SSH2: variants seen among roughly 807,000 people sequenced by gnomAD.
The protein encoded by SSH2 is protein phosphatase Slingshot homolog 2.
Under a neutral mutation model 135.2 loss-of-function variants are expected in SSH2, and 37 were observed. The ratio of observed to expected loss-of-function variants is 0.27; its 90% CI spans 0.21 to 0.36. The LOEUF (loss-of-function observed/expected upper bound fraction) is 0.36. Among genes scored for constraint, SSH2 ranks in the 10% least tolerant of loss-of-function variants. SSH2 has a pLI of 1.00. For synonymous variants in SSH2, 628 were observed against 646.2 expected (o/e 0.97, Z 0.43); for missense variants, 1,408 against 1,765.3 (o/e 0.80, Z 3.63).
intron 3 of SSH2, chr17:29,777,811 A>C (rs1306481315): frequency 6.6e-6 from 1 of 152,560 alleles, no homozygotes; most frequent in Admixed American, 6.5e-5. Context: ...AAAAAAAAAA[A>C]AAAACCTGAT....
chr17:29,875,494 T>C (rs2066011886), intron 1 of SSH2, among the ~76,000 whole-genome samples: 2 of 152,122 alleles, frequency 1.3e-5, no homozygotes. Flanking sequence ...TAGTCTCTTC[T>C]CCACACAGCA....
At chr17:29,851,046 A>G (rs1351075772) in intron 1 of SSH2, among the ~76,000 whole-genome samples, 1 of 152,202 alleles carries the variant, frequency 6.6e-6, no homozygotes, top group Non-Finnish European at 1.5e-5. Context: ...AGTCTTTTTA[A>G]TTCTTGTTCT....
intron 3 of SSH2, among the ~76,000 whole-genome samples, chr17:29,754,148 G>C (rs1012729208): frequency 2.6e-5 from 4 of 152,182 alleles, no homozygotes; most frequent in Admixed American, 2.0e-4. Context: ...AATTAAGGTA[G>C]GGTCCTTAGG....
At chr17:29,804,698 G>T (rs1461383405) in intron 2 of SSH2, among the ~76,000 whole-genome samples, 1 of 152,030 alleles carries the variant, frequency 6.6e-6, no homozygotes, top group Non-Finnish European at 1.5e-5. Flanking sequence ...TTGAGCCAGG[G>T]TCATGCTCTG....
At chr17:29,735,595 C>A (rs1427388073) in intron 3 of SSH2, among the ~76,000 whole-genome samples, 2 of 150,206 alleles carry the variant, frequency 1.3e-5, no homozygotes, top group African/African-American at 4.9e-5. Flanking sequence ...ACTTAGGAGG[C>A]TTGAGACAGG....
At chr17:29,826,104 A>G (rs2042738365) in intron 2 of SSH2, among the ~76,000 whole-genome samples, 1 of 152,196 alleles carries the variant, frequency 6.6e-6, no homozygotes, top group South Asian at 2.1e-4. Flanking sequence ...TATTAGTCAG[A>G]GGGGCTGCAA....
At chr17:29,670,194 T>C (rs1425735056) in intron 9 of SSH2, among the ~76,000 whole-genome samples, 4 of 152,146 alleles carry the variant, frequency 2.6e-5, no homozygotes, top group Non-Finnish European at 5.9e-5. Flanking sequence ...CGACTGTCTC[T>C]AATAAAATAT....
At chr17:29,783,637 C>A (rs1382752168) in intron 3 of SSH2, among the ~76,000 whole-genome samples, 2 of 152,080 alleles carry the variant, frequency 1.3e-5, no homozygotes, top group African/African-American at 2.4e-5. Context: ...TTTTGCAACA[C>A]CCTCACAGAC....
chr17:29,634,364 A>C (rs928559289), intron 15 of SSH2, among the ~76,000 whole-genome samples: 1 of 152,224 alleles, frequency 6.6e-6, no homozygotes, highest in African/African-American at 2.4e-5. Context: ...CAACTACTGT[A>C]TTGTAATGAT....
At chr17:29,914,559 A>G (rs1360814995) in intron 1 of SSH2, among the ~76,000 whole-genome samples, 1 of 103,244 alleles carries the variant, frequency 9.7e-6, no homozygotes, top group African/African-American at 3.1e-5. Context: ...ACCCTGTCTG[A>G]AAAAAAAAAA....
chr17:29,691,299 C>G (rs981911038), intron 5 of SSH2, among the ~76,000 whole-genome samples: 3 of 152,088 alleles, frequency 2.0e-5, no homozygotes, highest in Admixed American at 2.0e-4. Flanking sequence ...CTTCAAATGT[C>G]CTGAAAATTC....
At chr17:29,734,059 C>T (rs978471367) in intron 3 of SSH2, among the ~76,000 whole-genome samples, 2 of 151,982 alleles carry the variant, frequency 1.3e-5, no homozygotes, top group African/African-American at 4.8e-5. Context: ...GCTGGGACTA[C>T]AGGCGCCCGC....
At chr17:29,928,522 C>CA (rs1371056899) in intron 1 of SSH2, 5 of 398,560 alleles carry the variant, frequency 1.3e-5, no homozygotes, top group Middle Eastern at 6.3e-4. Flanking sequence ...TCCACTGTTA[C>CA]AAATTCTTCC....
At chr17:29,821,261 A>G (rs1395564976) in intron 2 of SSH2, among the ~76,000 whole-genome samples, 2 of 152,006 alleles carry the variant, frequency 1.3e-5, no homozygotes, top group Non-Finnish European at 2.9e-5. Context: ...TTATTTATCT[A>G]TCTATTTATT....
chr17:29,684,499 A>AG, intron 6 of SSH2, 64 bp downstream of exon 6: 1 of 1,483,702 alleles, frequency 6.7e-7, no homozygotes, highest in Non-Finnish European at 9.1e-7. Flanking sequence ...AAAAAAAAAA[A>AG]AAAAGCAACT....
intron 1 of SSH2, among the ~76,000 whole-genome samples, chr17:29,854,308 C>T (rs1236006984): frequency 6.6e-6 from 1 of 151,690 alleles, no homozygotes; most frequent in South Asian, 2.1e-4. Flanking sequence ...AAACACCAAA[C>T]AAAAAGGGAA....
At chr17:29,894,824 A>G (rs1192132702) in intron 1 of SSH2, among the ~76,000 whole-genome samples, 1 of 151,682 alleles carries the variant, frequency 6.6e-6, no homozygotes, top group Non-Finnish European at 1.5e-5. Context: ...CTCAATTACC[A>G]TCCTTCCACC....
intron 6 of SSH2, among the ~76,000 whole-genome samples, chr17:29,681,663 T>C (rs1322546013): frequency 6.6e-6 from 1 of 152,040 alleles, no homozygotes; most frequent in Non-Finnish European, 1.5e-5. Flanking sequence ...ATTTAAAAAA[T>C]TATTAAAATA....
intron 3 of SSH2, among the ~76,000 whole-genome samples, chr17:29,789,304 A>G (rs1567975581): frequency 6.6e-6 from 1 of 152,248 alleles, no homozygotes; most frequent in Non-Finnish European, 1.5e-5. Flanking sequence ...CATGTTTGGA[A>G]GGGAACACCA....
Sources: allele counts gnomAD v4.1 joint callset (sites outside exome capture counted in the v4.1 genomes callset), GRCh38; gene constraint gnomAD v4.1.1; transcripts MANE v1.5; gene names NCBI Gene and HGNC (gene_info 2026-07-23, HGNC 2026-07-21).